CEP112: variants seen among roughly 807,000 people sequenced by gnomAD.
The protein encoded by CEP112 is centrosomal protein 112.
CEP112 carries 127 observed loss-of-function variants against 153.0 expected under a neutral mutation model. That is an observed-to-expected ratio of 0.83 (90% CI 0.72 to 0.96). The LOEUF (loss-of-function observed/expected upper bound fraction) is 0.96. Among genes scored for constraint, CEP112 ranks in the 40% least tolerant of loss-of-function variants. CEP112 has a pLI of 0.00. For synonymous variants in CEP112, 358 were observed against 374.4 expected (o/e 0.96, Z 0.51); for missense variants, 1,089 against 1,101.2 (o/e 0.99, Z 0.16).
chr17:66,104,630 T>C (rs1010205764), intron 6 of CEP112, among the ~76,000 whole-genome samples: 1 of 152,112 alleles, frequency 6.6e-6, no homozygotes, highest in African/African-American at 2.4e-5. Flanking sequence ...TCTTTCACCT[T>C]TGGATACCAA....
At chr17:66,186,140 AC>A (rs2072924805) in intron 1 of CEP112, among the ~76,000 whole-genome samples, 1 of 151,816 alleles carries the variant, frequency 6.6e-6, no homozygotes, top group Non-Finnish European at 1.5e-5. Flanking sequence ...CCATCCTGCC[AC>A]TTCCCAACTA....
chr17:66,061,322 A>T (rs1450199209), intron 11 of CEP112, among the ~76,000 whole-genome samples: 1 of 152,160 alleles, frequency 6.6e-6, no homozygotes, highest in Non-Finnish European at 1.5e-5. Flanking sequence ...ACCCTTATAT[A>T]CTGCTAGAGG....
intron 8 of CEP112, among the ~76,000 whole-genome samples, chr17:66,073,871 G>C (rs1176279983): frequency 6.6e-6 from 1 of 152,054 alleles, no homozygotes; most frequent in East Asian, 1.9e-4. Context: ...AGAATCCAGA[G>C]TCCCTACAAG....
chr17:65,959,907 G>C (rs2062138066), intron 18 of CEP112, among the ~76,000 whole-genome samples: 1 of 152,196 alleles, frequency 6.6e-6, no homozygotes, highest in Non-Finnish European at 1.5e-5. Flanking sequence ...CAGCGTATCA[G>C]GCTGAGTGGG....
At chr17:66,070,548 C>T (rs1029010966) in intron 8 of CEP112, among the ~76,000 whole-genome samples, 5 of 152,216 alleles carry the variant, frequency 3.3e-5, no homozygotes, top group South Asian at 4.1e-4. Context: ...CATAGACCCC[C>T]GCTCCCTCAA....
intron 24 of CEP112, among the ~76,000 whole-genome samples, chr17:65,660,034 G>A (rs1294070900): frequency 6.6e-6 from 1 of 152,196 alleles, no homozygotes; most frequent in East Asian, 1.9e-4. Context: ...TGGAGGTCAT[G>A]GGGTGGGCAG....
chr17:66,094,004 A>G (rs2068239746), intron 8 of CEP112, among the ~76,000 whole-genome samples: 1 of 152,134 alleles, frequency 6.6e-6, no homozygotes, highest in African/African-American at 2.4e-5. Flanking sequence ...CAGAACAGGG[A>G]ACCCAGAAAT....
At chr17:66,032,349 AGT>A (rs1359446986) in intron 12 of CEP112, among the ~76,000 whole-genome samples, 1 of 11,730 alleles carries the variant, frequency 8.5e-5, no homozygotes, top group Non-Finnish European at 3.1e-4. Context: ...CAAGAAACCA[AGT>A]GAAAAAAAAA....
intron 23 of CEP112, among the ~76,000 whole-genome samples, chr17:65,700,108 C>T (rs1239238611): frequency 1.3e-5 from 2 of 150,968 alleles, no homozygotes; most frequent in South Asian, 2.1e-4. Context: ...TCTTCCTCCT[C>T]CTCCTCCTCC....
At chr17:66,036,984 A>G (rs1017781661) in intron 12 of CEP112, among the ~76,000 whole-genome samples, 11 of 152,172 alleles carry the variant, frequency 7.2e-5, no homozygotes, top group Admixed American at 2.6e-4. Flanking sequence ...AGTGTTTTCT[A>G]CCTTGAACAA....
intron 12 of CEP112, among the ~76,000 whole-genome samples, chr17:66,031,482 T>TGC (rs1171824784): frequency 4.1e-5 from 1 of 24,210 alleles, no homozygotes; most frequent in African/African-American, 8.4e-5. Flanking sequence ...TGTTTTTTTT[T>TGC]TTTGTTTTTT....
chr17:65,893,087 T>G (rs1197666835), intron 20 of CEP112, among the ~76,000 whole-genome samples: 2 of 152,090 alleles, frequency 1.3e-5, no homozygotes, highest in Admixed American at 6.6e-5. Flanking sequence ...TGTTTTAAGA[T>G]GGTGGGCCTG....
chr17:66,151,796 T>C (rs1330077599), intron 4 of CEP112, among the ~76,000 whole-genome samples: 1 of 152,148 alleles, frequency 6.6e-6, no homozygotes, highest in African/African-American at 2.4e-5. Context: ...TCCCCCAATC[T>C]AGACTTCAGC....
intron 21 of CEP112, among the ~76,000 whole-genome samples, chr17:65,766,707 T>TA (rs139229209): frequency 0.49 from 68,735 of 140,142 alleles, 17,219 homozygotes; most frequent in East Asian, 0.8. Flanking sequence ...ACGCAAATGG[T>TA]AAAAAAAAAA....
At chr17:66,162,653 A>G (rs1952764564) in intron 4 of CEP112, among the ~76,000 whole-genome samples, 1 of 152,182 alleles carries the variant, frequency 6.6e-6, no homozygotes, top group African/African-American at 2.4e-5. Flanking sequence ...GCAAAAGAAG[A>G]CAGAAACAAA....
chr17:66,172,776 T>C (rs754983346), intron 4 of CEP112, among the ~76,000 whole-genome samples: 1 of 152,208 alleles, frequency 6.6e-6, no homozygotes, highest in Non-Finnish European at 1.5e-5. Context: ...GCCACTGCAC[T>C]GAAACTATCC....
chr17:66,170,955 G>A (rs1341313729), intron 4 of CEP112, among the ~76,000 whole-genome samples: 2 of 152,134 alleles, frequency 1.3e-5, no homozygotes, highest in African/African-American at 2.4e-5. Context: ...CTAGCTAAGT[G>A]TTGAAGCTGT....
intron 23 of CEP112, among the ~76,000 whole-genome samples, chr17:65,720,545 C>A (rs1023942192): frequency 9.2e-5 from 14 of 152,208 alleles, no homozygotes; most frequent in Non-Finnish European, 1.9e-4. Flanking sequence ...ACAGAGGCAG[C>A]AAGGATGTCA....
At chr17:65,716,808 A>G (rs888556020) in intron 23 of CEP112, among the ~76,000 whole-genome samples, 1 of 152,132 alleles carries the variant, frequency 6.6e-6, no homozygotes, top group African/African-American at 2.4e-5. Context: ...AGGAAAAAAA[A>G]CAACTGAAGT....
Sources: gnomAD v4.1 joint callset for allele counts (sites outside exome capture counted in the v4.1 genomes callset) on GRCh38, gnomAD v4.1.1 for gene constraint, MANE v1.5 for transcripts, NCBI Gene and HGNC (gene_info 2026-07-23, HGNC 2026-07-21) for gene names.